Variants in LIMS1 observed in about 807,000 individuals in gnomAD.
The protein encoded by LIMS1 is LIM zinc finger domain containing 1.
In LIMS1, 18 loss-of-function variants were observed where a neutral mutation model predicts 44.1. The ratio of observed to expected loss-of-function variants is 0.41; its 90% CI spans 0.28 to 0.61. The LOEUF is 0.61. Ranked by LOEUF, LIMS1 falls within the 20% of genes least tolerant of loss-of-function variation. The probability of loss-of-function intolerance (pLI) is 0.32; values close to 1 mark genes in which losing one functional copy is unlikely to be tolerated. For synonymous variants in LIMS1, 93 were observed against 149.1 expected (o/e 0.62, Z 2.74); for missense variants, 201 against 422.0 (o/e 0.48, Z 4.59).
chr2:108,612,750 T>TC (rs1171359925), intron 1 of LIMS1, among the ~76,000 whole-genome samples: 1 of 151,950 alleles, frequency 6.6e-6, no homozygotes, highest in Non-Finnish European at 1.5e-5. Flanking sequence ...GTGGACTAGG[T>TC]CTGGGTCATT....
At chr2:108,656,184 C>T (rs1690821745) in intron 1 of LIMS1, among the ~76,000 whole-genome samples, 1 of 141,124 alleles carries the variant, frequency 7.1e-6, no homozygotes, top group Non-Finnish European at 1.5e-5. Flanking sequence ...TAGGACCAAA[C>T]AATTTGTTTT....
chr2:108,645,201 A>G (rs1033317602), intron 1 of LIMS1, among the ~76,000 whole-genome samples: 1 of 152,146 alleles, frequency 6.6e-6, no homozygotes, highest in Non-Finnish European at 1.5e-5. Context: ...TTTTCAGATC[A>G]CCAAGGTTGA....
chr2:108,616,639 T>C (rs1302986652), intron 1 of LIMS1, among the ~76,000 whole-genome samples: 1 of 152,174 alleles, frequency 6.6e-6, no homozygotes, highest in African/African-American at 2.4e-5. Context: ...AGTGGGACCA[T>C]ATTTTCATGA....
chr2:108,542,289 T>C (rs949823790), intron 1 of LIMS1, among the ~76,000 whole-genome samples: 2 of 152,228 alleles, frequency 1.3e-5, no homozygotes, highest in African/African-American at 4.8e-5. Context: ...CCTAGGCCAC[T>C]GTTTTGGAAA....
At chr2:108,619,662 T>C (rs1024057175) in intron 1 of LIMS1, among the ~76,000 whole-genome samples, 10 of 152,156 alleles carry the variant, frequency 6.6e-5, no homozygotes, top group African/African-American at 2.4e-4. Flanking sequence ...CTAGCCTGGG[T>C]GACAGAGGGA....
At chr2:108,595,847 C>T (rs1686655848) in intron 1 of LIMS1, among the ~76,000 whole-genome samples, 1 of 152,148 alleles carries the variant, frequency 6.6e-6, no homozygotes, top group Admixed American at 6.5e-5. Context: ...AATCTACCAC[C>T]TTAATCATTT....
At chr2:108,565,904 T>C (rs1024842184) in intron 1 of LIMS1, among the ~76,000 whole-genome samples, 1 of 152,150 alleles carries the variant, frequency 6.6e-6, no homozygotes. Context: ...AAAGCACTAT[T>C]CTCATCTGTG....
At chr2:108,606,805 G>A (rs1687292726) in intron 1 of LIMS1, among the ~76,000 whole-genome samples, 1 of 152,228 alleles carries the variant, frequency 6.6e-6, no homozygotes, top group South Asian at 2.1e-4. Context: ...GAGAGAGGCT[G>A]GAGGTTCATC....
intron 1 of LIMS1, among the ~76,000 whole-genome samples, chr2:108,644,484 A>G (rs1403534010): frequency 1.3e-5 from 2 of 152,194 alleles, no homozygotes; most frequent in Admixed American, 1.3e-4. Flanking sequence ...CAGAGACCCC[A>G]TCCGAAGGTC....
intron 1 of LIMS1, among the ~76,000 whole-genome samples, chr2:108,545,599 A>G (rs1038372158): frequency 6.6e-6 from 1 of 152,138 alleles, no homozygotes; most frequent in Non-Finnish European, 1.5e-5. Flanking sequence ...AGCAGTTCTC[A>G]GTTCTTGGTC....
intron 1 of LIMS1, among the ~76,000 whole-genome samples, chr2:108,573,457 G>C (rs1685558276): frequency 6.6e-6 from 1 of 152,006 alleles, no homozygotes; most frequent in Admixed American, 6.6e-5. Context: ...CGATACACCA[G>C]CTGATGGGAA....
intron 1 of LIMS1, among the ~76,000 whole-genome samples, chr2:108,605,903 A>G (rs908982209): frequency 5.9e-5 from 9 of 152,228 alleles, no homozygotes; most frequent in Admixed American, 5.9e-4. Context: ...AAGAAAGGAC[A>G]TGACCATCTG....
chr2:108,636,452 G>T (rs898574053), intron 1 of LIMS1, among the ~76,000 whole-genome samples: 12 of 152,228 alleles, frequency 7.9e-5, no homozygotes, highest in African/African-American at 2.9e-4. Flanking sequence ...CCAGAGTGCT[G>T]CAGGAGCTTT....
At chr2:108,642,626 A>T (rs1046225882) in intron 1 of LIMS1, among the ~76,000 whole-genome samples, 2 of 151,676 alleles carry the variant, frequency 1.3e-5, no homozygotes, top group African/African-American at 2.4e-5. Context: ...CCCAAAGTGC[A>T]GGGATTACAG....
intron 7 of LIMS1, chr2:108,677,053 G>C: frequency 4.9e-6 from 1 of 205,888 alleles, no homozygotes; most frequent in South Asian, 1.2e-4. Flanking sequence ...AAGAATATGG[G>C]ACTCTCTAAC....
chr2:108,580,786 C>A (rs1685855496), intron 1 of LIMS1, among the ~76,000 whole-genome samples: 1 of 152,096 alleles, frequency 6.6e-6, no homozygotes, highest in African/African-American at 2.4e-5. Flanking sequence ...CATAGTGGTC[C>A]CTTGCATGGA....
intron 8 of LIMS1, among the ~76,000 whole-genome samples, chr2:108,680,465 A>G (rs796696756): frequency 9.4e-5 from 13 of 138,314 alleles, no homozygotes; most frequent in African/African-American, 3.6e-4. Context: ...TGAGCCTGGG[A>G]GGTTGGGGTT....
At position 108,578,225 on chromosome 2, in the gene LIMS1, A is replaced by G. The variant is rs563419949; in HGVS notation, c.32+43631A>G. On this transcript the variant is annotated intron_variant, in intron 1 of 9. Coordinates refer to ENST00000544547, the Ensembl canonical transcript of LIMS1. ...CGCCCAGCCTGTATGTTTTGATACT[A>G]TAGAGAGGTATACAATAAAATTGCC... Among the ~76,000 whole-genome samples, 127 of 152,320 alleles carry G rather than the reference A, an allele frequency of 8.3e-4. 2 individuals carry two copies. The highest frequency in any genetic ancestry group is 6.0e-3 in the South Asian group (29 of 4,832).
At chr2:108,538,605 A>G (rs899860918) in intron 1 of LIMS1, among the ~76,000 whole-genome samples, 3 of 152,246 alleles carry the variant, frequency 2.0e-5, no homozygotes, top group Admixed American at 2.0e-4. Flanking sequence ...AACAGACAAC[A>G]TGCATTTACA....
Sources: gnomAD v4.1 joint callset for allele counts (sites outside exome capture counted in the v4.1 genomes callset) on GRCh38, gnomAD v4.1.1 for gene constraint, MANE v1.5 for transcripts, NCBI Gene and HGNC (gene_info 2026-07-23, HGNC 2026-07-21) for gene names.